Variants in LRFN1 observed in about 807,000 individuals in gnomAD.
LRFN1 encodes leucine rich repeat and fibronectin type III domain containing 1.
LRFN1 carries 20 observed loss-of-function variants against 31.8 expected under a neutral mutation model. The ratio of observed to expected loss-of-function variants is 0.63; its 90% CI spans 0.44 to 0.91. LRFN1 has a LOEUF of 0.91. Ranked by LOEUF, LRFN1 falls within the 40% of genes least tolerant of loss-of-function variation. The pLI, the probability that LRFN1 is intolerant of heterozygous loss-of-function variation, is 0.00. For synonymous variants in LRFN1, 514 were observed against 541.3 expected (o/e 0.95, Z 0.70); for missense variants, 912 against 1,129.8 (o/e 0.81, Z 2.76).
In LRFN1 at chr19:39,315,362, G is replaced by A. The variant is rs2075168779; in HGVS notation, c.-26C>T. On this transcript the variant is annotated 5_prime_UTR_variant, in exon 4 of 5. Transcript: ENST00000248668. This position sits in a 1 kb window ranked among gnomAD's most constrained non-coding sequence, Gnocchi z 4.7. ...GGTGCAGTGGGAAGGCAGGAGGGGT[G>A]GGAGGTGAGACCTGCCGGGGAAGGA... 1.4e-6 allele frequency: 2 copies of A among 1,436,642 alleles called. No individual in the cohort carries two copies. The highest frequency in any genetic ancestry group is 1.4e-5 in the African/African-American group (1 of 69,822). 89.0% of individuals were successfully genotyped at this position (1,436,642 alleles called of 1,614,324 possible).
rs1429071595 is a variant in LRFN1 at position 39,314,991 on chromosome 19, G to A, written c.346C>T (p.Arg116Trp). 3 of 1,591,622 alleles carry A rather than the reference G, an allele frequency of 1.9e-6. No individual in the cohort carries two copies. The highest frequency in any genetic ancestry group is 1.7e-5 in the Admixed American group (1 of 58,132). The change falls in exon 4 of 5, where the codon CGG (arginine) becomes TGG (tryptophan). Residue 116 changes from arginine (R) to tryptophan (W), a missense_variant. By Grantham distance (101) the Arg-to-Trp change is moderately radical. This residue lies in a region of LRFN1 where 401 missense variants were observed against 572.7 expected (regional missense o/e 0.70). Coordinates refer to ENST00000248668, the MANE Select transcript of LRFN1 (RefSeq NM_020862.2). ...AGAFADLRAL[R>W]ALHLDSNRLA... ...CGGTTGCTGTCCAGGTGCAGGGCCC[G>A]GAGGGCACGCAGGTCGGCGAAGGCG...
At chr19:39,317,373 T>C (rs2075175256) in intron 2 of LRFN1, among the ~76,000 whole-genome samples, 1 of 152,038 alleles carries the variant, frequency 6.6e-6, no homozygotes, top group Non-Finnish European at 1.5e-5. Context: ...AGATCACTAC[T>C]CTACAATGTA....
chr19:39,314,804 G>A lies in LRFN1; in HGVS notation c.533C>T (p.Pro178Leu). 2 of 1,613,148 alleles carry A rather than the reference G, an allele frequency of 1.2e-6. No individual in the cohort carries two copies. Among genetic ancestry groups the A allele is most frequent in the Non-Finnish European group, 1.7e-6 (2 of 1,179,568 alleles). The stretch of plus-strand genomic sequence containing the variant: ...CACCATCTGGCCCACCGCCTCCCAC[G>A]GCAGGGCCTCCAGGTTGTTGTAGGA... ...DLSYNNLEAL[P>L]WEAVGQMVNL... The change falls in exon 4 of 5, where the codon CCG becomes CTG. Residue 178 changes from proline (P) to leucine (L), a missense_variant. Physicochemically the swap from Pro to Leu is moderately conservative, Grantham distance 98 (BLOSUM62 -3). Around this residue, in one of 2 missense-constraint regions of LRFN1, gnomAD observed 401 missense variants for 572.7 expected, o/e 0.70. Transcript: ENST00000248668.
chr19:39,314,413 C>G lies in LRFN1; in HGVS notation c.924G>C (p.Arg308=). Reference sequence around the variant, plus strand: ...CCGCCTGGCCTTCCACCACCAGGGCCCGGCCCCCCGCCTGCCGTGTGATCA... The same window carrying G: ...CCGCCTGGCCTTCCACCACCAGGGCGCGGCCCCCCGCCTGCCGTGTGATCA... ...PPLITRQAGG[R]ALVVEGQAVS... is the part of the protein sequence containing the mutation. Residue 308 remains arginine, a synonymous_variant, in exon 4 of 5, where the codon CGG becomes CGC. Coordinates refer to ENST00000248668, the MANE Select transcript of LRFN1 (RefSeq NM_020862.2). 6.2e-7 allele frequency: 1 copy of G among 1,604,062 alleles called. No homozygotes were observed. Among genetic ancestry groups the G allele is most frequent in the South Asian group, 1.1e-5 (1 of 89,588 alleles).
rs2075132652 is a variant in LRFN1 at position 39,307,391 on chromosome 19, G to A, written c.*242C>T. On this transcript the variant is annotated 3_prime_UTR_variant, in exon 5 of 5. Transcript: ENST00000248668. The surrounding 1 kb of genome is among the most constrained non-coding windows in gnomAD (Gnocchi z 6.7). ...CGAGCGCGCGAGGGGAGGGGTAGGA[G>A]GGGGGTCGAGGAGTCCATAGGGGAA... is the stretch of plus-strand genomic sequence containing the variant. The A allele has an allele frequency of 1.4e-5, 6 of 414,224 alleles. No homozygotes were observed. Among genetic ancestry groups the A allele is most frequent in the Non-Finnish European group, 2.5e-5 (6 of 237,432 alleles). The allele number at this position is 414,224 out of a possible 1,614,324, so 25.7% of individuals were successfully genotyped here.
rs528134309 is a variant in LRFN1, at chr19:39,311,890, T to C, written c.1406+2041A>G. On this transcript the variant is annotated intron_variant, in intron 4 of 4. Transcript: ENST00000248668. Reference sequence around the variant, plus strand: ...AAAAGGGAGGCTTTTTTTTTTTTTTTTTTTTTTTCCAGAGGGAGTCTCGCT... The same window carrying C: ...AAAAGGGAGGCTTTTTTTTTTTTTTCTTTTTTTTCCAGAGGGAGTCTCGCT... Among the ~76,000 whole-genome samples the C allele has an allele frequency of 2.2e-3, 325 of 146,396 alleles. 3 individuals carry two copies. The highest frequency in any genetic ancestry group is 7.8e-3 in the African/African-American group (308 of 39,658).
chr19:39,320,597 G>T (rs916205879), intron 1 of LRFN1, among the ~76,000 whole-genome samples, 196 bp downstream of exon 1: 4 of 151,716 alleles, frequency 2.6e-5, no homozygotes, highest in Admixed American at 2.6e-4. Flanking sequence ...GGCCGGGCTC[G>T]ACACCCCGCG....
At position 39,315,233 on chromosome 19, in the gene LRFN1, G is replaced by A. The variant is rs2075167883; in HGVS notation, c.104C>T (p.Pro35Leu). Residue 35 changes from proline (P) to leucine (L), a missense_variant, in exon 4 of 5, where the codon CCC becomes CTC. Around this residue, in one of 2 missense-constraint regions of LRFN1, gnomAD observed 401 missense variants for 572.7 expected, o/e 0.70. Transcript: ENST00000248668. This position sits in a 1 kb window ranked among gnomAD's most constrained non-coding sequence, Gnocchi z 4.7. ...CACGTTCTGGCAGATGCAGCGGCCG[G>A]GGCAGGGCTGGCCACGAGATGCCCC... ...WAGASRGQPC[P>L]GRCICQNVAP... 2 of 1,560,148 alleles carry A rather than the reference G, an allele frequency of 1.3e-6. No homozygotes were observed. Among genetic ancestry groups the A allele is most frequent in the African/African-American group, 1.4e-5 (1 of 74,044 alleles).
At chr19:39,311,103 C>T (rs984277938) in intron 4 of LRFN1, among the ~76,000 whole-genome samples, 3 of 152,226 alleles carry the variant, frequency 2.0e-5, no homozygotes, top group Non-Finnish European at 4.4e-5. Context: ...TCCCCCACCC[C>T]TTTTCAAGGA....
chr19:39,311,131 A>G (rs906448743), intron 4 of LRFN1, among the ~76,000 whole-genome samples: 1 of 152,226 alleles, frequency 6.6e-6, no homozygotes, highest in African/African-American at 2.4e-5. Flanking sequence ...TGGCTCCTTA[A>G]GAAAGCTTCA....
At position 39,307,095 on chromosome 19, in the gene LRFN1, C is replaced by A; in HGVS notation, c.*538G>T. The A allele has an allele frequency of 2.5e-6, 1 of 393,222 alleles. No individual in the cohort carries two copies. Among genetic ancestry groups the A allele is most frequent in the Non-Finnish European group, 4.5e-6 (1 of 223,108 alleles). 24.4% of individuals were successfully genotyped at this position (393,222 alleles called of 1,614,324 possible). On this transcript the variant is annotated 3_prime_UTR_variant, in exon 5 of 5. Coordinates refer to ENST00000248668, the MANE Select transcript of LRFN1 (RefSeq NM_020862.2). The surrounding 1 kb of genome is among the most constrained non-coding windows in gnomAD (Gnocchi z 6.7). ...GCACTACAGAGAGACGACAAGAGGG[C>A]GGGATAGAGACAAACGAGGGAAACA... is the stretch of plus-strand genomic sequence containing the variant.
chr19:39,306,870 T>G lies in LRFN1; in HGVS notation c.*763A>C. 5 of 154,770 alleles carry G rather than the reference T, an allele frequency of 3.2e-5. No individual in the cohort carries two copies. The highest frequency in any genetic ancestry group is 5.7e-5 in the Non-Finnish European group (4 of 70,404). 9.6% of individuals were successfully genotyped at this position (154,770 alleles called of 1,614,324 possible). On this transcript the variant is annotated 3_prime_UTR_variant, in exon 5 of 5. Transcript: ENST00000248668. Reference sequence around the variant, plus strand: ...CTGCGGCGGAGGGTCCCGGCTCCGGTAGGGAGGGGGATTTGGTTTTGGATT... The same window carrying G: ...CTGCGGCGGAGGGTCCCGGCTCCGGGAGGGAGGGGGATTTGGTTTTGGATT...
At chr19:39,309,488 A>C (rs1405797713) in intron 4 of LRFN1, among the ~76,000 whole-genome samples, 1 of 136,292 alleles carries the variant, frequency 7.3e-6, no homozygotes, top group South Asian at 2.3e-4. Context: ...CAAAAAAAAA[A>C]AAAAAAAAAA....
chr19:39,311,449 A>C (rs959044187), intron 4 of LRFN1, among the ~76,000 whole-genome samples: 6 of 152,228 alleles, frequency 3.9e-5, no homozygotes, highest in Non-Finnish European at 4.4e-5. Flanking sequence ...AGAGAGGGAC[A>C]GAGAAGTGGA....
chr19:39,315,423 G>T lies in LRFN1; in HGVS notation c.-37-50C>A, dbSNP rs2075168997. On this transcript the variant is annotated intron_variant, in intron 3 of 4. Coordinates refer to ENST00000248668, the MANE Select transcript of LRFN1 (RefSeq NM_020862.2). The surrounding 1 kb of genome is among the most constrained non-coding windows in gnomAD (Gnocchi z 4.7). Reference sequence around the variant, plus strand: ...CAGGCGTGGGACTTGGCCGCCATGGGATGTCCTGCTACGAGTCAGGCCTGG... The same window carrying T: ...CAGGCGTGGGACTTGGCCGCCATGGTATGTCCTGCTACGAGTCAGGCCTGG... 8.1e-7 allele frequency: 1 copy of T among 1,240,878 alleles called. No individual in the cohort carries two copies. 76.9% of individuals were successfully genotyped at this position (1,240,878 alleles called of 1,614,324 possible).
Position 39,314,865 on chromosome 19 carries a change from C to G in LRFN1, c.472G>C (p.Asp158His). ...TCCTCCACGGTGGACAGGAAGGCGTCAAAGGCCGCCGACTCCACCCGGCGG... is the reference window on the plus strand; with the variant it reads ...TCCTCCACGGTGGACAGGAAGGCGTGAAAGGCCGCCGACTCCACCCGGCGG... ...QIRRVESAAF[D>H]AFLSTVEDLD... The change falls in exon 4 of 5, where the codon GAC becomes CAC. Residue 158 changes from aspartate to histidine, a missense_variant. Coordinates refer to ENST00000248668, the MANE Select transcript of LRFN1 (RefSeq NM_020862.2). 1 of 1,610,250 alleles carries G rather than the reference C, an allele frequency of 6.2e-7. No homozygotes were observed. The highest frequency in any genetic ancestry group is 8.5e-7 in the Non-Finnish European group (1 of 1,178,342).
In LRFN1 at chr19:39,314,197, C is replaced by T. The variant is rs61730567; in HGVS notation, c.1140G>A (p.Thr380=). The T allele has an allele frequency of 3.8e-3, 6,149 of 1,613,286 alleles. 119 individuals carry two copies. The African/African-American group carries it at 0.052, about 14-fold the overall frequency. ...CIASNAAGEA[T]APVEVCVVPL... Reference sequence around the variant, plus strand: ...GTACCACGCACACCTCCACGGGCGCCGTCGCTTCCCCAGCAGCATTGGAGG... The same window carrying T: ...GTACCACGCACACCTCCACGGGCGCTGTCGCTTCCCCAGCAGCATTGGAGG... The change falls in exon 4 of 5, where the codon ACG becomes ACA. Residue 380 remains threonine, a synonymous_variant. Coordinates refer to ENST00000248668, the MANE Select transcript of LRFN1 (RefSeq NM_020862.2).
rs1274872400 is a variant in LRFN1 at position 39,315,958 on chromosome 19, C to A, written c.-38+124G>T. On this transcript the variant is annotated intron_variant, in intron 3 of 4. Coordinates refer to ENST00000248668, the MANE Select transcript of LRFN1 (RefSeq NM_020862.2). The surrounding 1 kb of genome is among the most constrained non-coding windows in gnomAD (Gnocchi z 4.7). ...TGATCTCCCAACCAGAGGGGTGACA[C>A]CTGGCCCAACCTGGGCCCTCCAGTA... The A allele has an allele frequency of 6.6e-6, 1 of 152,244 alleles. No individual in the cohort carries two copies. Among genetic ancestry groups the A allele is most frequent in the Non-Finnish European group, 1.5e-5 (1 of 68,082 alleles). The allele number at this position is 152,244 out of a possible 1,614,324, so 9.4% of individuals were successfully genotyped here. A position where few individuals can be genotyped will look rare whatever the true frequency, so the allele number is the denominator to read the frequency against.
In LRFN1 at chr19:39,314,506, C is replaced by G. The variant is rs761845250; in HGVS notation, c.831G>C (p.Thr277=). The G allele has an allele frequency of 3.8e-5, 61 of 1,610,152 alleles. 1 individual carries two copies. The Admixed American group carries it at 1.0e-3, about 27-fold the overall frequency. The part of the protein sequence containing the change: ...TREDDLETCA[T]PEHLTDRYFW... ...AGTAGCGGTCGGTGAGGTGTTCGGG[C>G]GTGGCGCAGGTCTCTAAGTCGTCCT... Residue 277 remains threonine (T), a synonymous_variant, in exon 4 of 5, where the codon ACG becomes ACC. Transcript: ENST00000248668.
Sources: allele counts gnomAD v4.1 joint callset (sites outside exome capture counted in the v4.1 genomes callset), GRCh38; gene constraint gnomAD v4.1.1; regional missense constraint gnomAD v4.1.1; non-coding constraint Gnocchi (gnomAD v3.1); transcripts MANE v1.5; gene names NCBI Gene and HGNC (gene_info 2026-07-23, HGNC 2026-07-21).